ASCC3: variants seen among roughly 807,000 people sequenced by gnomAD.
ASCC3 encodes the protein ASC-1 complex subunit P200.
In ASCC3, 158 loss-of-function variants were observed where a neutral mutation model predicts 256.3. The ratio of observed to expected loss-of-function variants is 0.62; its 90% CI spans 0.54 to 0.70. ASCC3 has a LOEUF of 0.70. Ranked by LOEUF, ASCC3 falls within the 30% of genes least tolerant of loss-of-function variation. The pLI, the probability that ASCC3 is intolerant of heterozygous loss-of-function variation, is 0.00. For missense variants in ASCC3, 2,259 were observed against 2,626.0 expected (o/e 0.86, Z 3.05); for synonymous variants, 948 against 883.4 (o/e 1.07, Z -1.30).
intron 2 of ASCC3, among the ~76,000 whole-genome samples, chr6:100,865,394 T>C (rs1357097019): frequency 6.6e-6 from 1 of 152,208 alleles, no homozygotes; most frequent in East Asian, 1.9e-4. Flanking sequence ...TCTTCTGTTA[T>C]ATCTCTAATA....
At chr6:100,513,124 G>A (rs1773855144) in intron 39 of ASCC3, among the ~76,000 whole-genome samples, 2 of 152,144 alleles carry the variant, frequency 1.3e-5, no homozygotes, top group South Asian at 4.1e-4. Context: ...TCAAAACTAC[G>A]GTACTTATTA....
At chr6:100,695,091 G>C (rs1010190991) in intron 13 of ASCC3, among the ~76,000 whole-genome samples, 2 of 152,122 alleles carry the variant, frequency 1.3e-5, no homozygotes, top group African/African-American at 4.8e-5. Context: ...CACTTCTGTT[G>C]TATTATTGTT....
intron 8 of ASCC3, among the ~76,000 whole-genome samples, chr6:100,789,778 T>C (rs1769266289): frequency 6.6e-6 from 1 of 151,972 alleles, no homozygotes; most frequent in Non-Finnish European, 1.5e-5. Context: ...GAAAGCTGTG[T>C]AACAAAACAT....
chr6:100,627,509 A>G, intron 29 of ASCC3, 81 bp downstream of exon 29: 3 of 1,578,562 alleles, frequency 1.9e-6, no homozygotes, highest in Non-Finnish European at 2.6e-6. Context: ...ATCCTTTCAA[A>G]GAAACCAACA....
At position 100,804,216 on chromosome 6, in the gene ASCC3, T is replaced by C. The variant is rs746562015; in HGVS notation, c.922+1544A>G. ...TGATGTCTAGAACTTCCTGTCATTG[T>C]TCAGCAAAAATTTAAAAAGTAGGTG... On this transcript the variant is annotated intron_variant, in intron 5 of 41. Transcript: ENST00000369162. Among the ~76,000 whole-genome samples, 6 of 152,222 alleles carry C rather than the reference T, an allele frequency of 3.9e-5. No homozygotes were observed. In the South Asian group the frequency reaches 1.0e-3, roughly 26 times the overall value.
At chr6:100,743,077 G>A (rs935708971) in intron 10 of ASCC3, among the ~76,000 whole-genome samples, 2 of 152,212 alleles carry the variant, frequency 1.3e-5, no homozygotes, top group Non-Finnish European at 1.5e-5. Context: ...GGCTCTGGTA[G>A]AGTGGGTTCA....
chr6:100,766,433 T>A, intron 10 of ASCC3, 132 bp downstream of exon 10: 1 of 980,064 alleles, frequency 1.0e-6, no homozygotes, highest in East Asian at 2.6e-5. Flanking sequence ...CAAGATGTGG[T>A]TACAAATAAA....
intron 17 of ASCC3, among the ~76,000 whole-genome samples, chr6:100,654,102 G>C (rs1458441352): frequency 6.6e-6 from 1 of 152,032 alleles, no homozygotes; most frequent in African/African-American, 2.4e-5. Flanking sequence ...ATGGAGTCAA[G>C]AGTTACATCA....
chr6:100,833,927 A>C (rs1341311415), intron 4 of ASCC3, among the ~76,000 whole-genome samples: 1 of 152,048 alleles, frequency 6.6e-6, no homozygotes, highest in Non-Finnish European at 1.5e-5. Flanking sequence ...AAAATACAAA[A>C]ATTAGCCAGG....
chr6:100,701,921 A>C (rs1199684801), intron 13 of ASCC3, among the ~76,000 whole-genome samples: 1 of 152,168 alleles, frequency 6.6e-6, no homozygotes, highest in Non-Finnish European at 1.5e-5. Flanking sequence ...GGATGAAAGA[A>C]GGCGTGGGAG....
chr6:100,761,336 C>T (rs555500314), intron 10 of ASCC3, among the ~76,000 whole-genome samples: 374 of 152,080 alleles, frequency 2.5e-3, no homozygotes, highest in African/African-American at 8.4e-3. Context: ...CAAAAAATAA[C>T]GATTACCGGG....
intron 17 of ASCC3, 121 bp downstream of exon 17, chr6:100,655,578 G>A: frequency 8.7e-7 from 1 of 1,148,374 alleles, no homozygotes; most frequent in East Asian, 2.5e-5. Context: ...TAAATCTCTT[G>A]TTTTTCTTCT....
Position 100,631,225 on chromosome 6 carries a change from A to T in ASCC3, c.4123-12T>A. 1 of 1,580,138 alleles carries T rather than the reference A, an allele frequency of 6.3e-7. No individual in the cohort carries two copies. Among genetic ancestry groups the T allele is most frequent in the Non-Finnish European group, 8.7e-7 (1 of 1,149,864 alleles). ...GCAATATATACCGCCTAAAAAGGGG[A>T]GAATAGCCAAAAATACTCTTATGAA... On this transcript the variant is annotated splice_polypyrimidine_tract_variant and intron_variant, in intron 25 of 41. Coordinates refer to ENST00000369162, the MANE Select transcript of ASCC3 (RefSeq NM_006828.4).
chr6:100,509,631 T>C (rs1773655101), intron 41 of ASCC3, 98 bp from the exon 42 acceptor site: 3 of 1,218,014 alleles, frequency 2.5e-6, no homozygotes, highest in Admixed American at 1.9e-5. Flanking sequence ...CTGGGTGCGG[T>C]GGCTCACGCC....
chr6:100,548,407 G>A (rs1372790789), intron 36 of ASCC3, among the ~76,000 whole-genome samples: 2 of 151,600 alleles, frequency 1.3e-5, no homozygotes, highest in Non-Finnish European at 3.0e-5. Context: ...CTAAAAAATA[G>A]GGCAATGACG....
intron 10 of ASCC3, among the ~76,000 whole-genome samples, chr6:100,732,886 T>C (rs1012730782): frequency 6.6e-6 from 1 of 152,208 alleles, no homozygotes; most frequent in Non-Finnish European, 1.5e-5. Flanking sequence ...AGTGAAATTA[T>C]ACATTTTCTG....
chr6:100,670,624 T>C (rs935033313), intron 14 of ASCC3, among the ~76,000 whole-genome samples: 8 of 134,446 alleles, frequency 6.0e-5, no homozygotes, highest in African/African-American at 1.1e-4. Flanking sequence ...TCAGAACAGA[T>C]ACAACCAACT....
chr6:100,538,809 A>ACT (rs1775293753), intron 37 of ASCC3, among the ~76,000 whole-genome samples: 1 of 151,868 alleles, frequency 6.6e-6, no homozygotes, highest in Non-Finnish European at 1.5e-5. Context: ...AGACTAACTT[A>ACT]CTCTACCTTT....
chr6:100,754,312 A>C (rs959529531), intron 10 of ASCC3, among the ~76,000 whole-genome samples: 1 of 152,162 alleles, frequency 6.6e-6, no homozygotes, highest in Non-Finnish European at 1.5e-5. Flanking sequence ...GCAACATAAA[A>C]CATTGACCTG....
Sources: gnomAD v4.1 joint callset for allele counts (sites outside exome capture counted in the v4.1 genomes callset) on GRCh38, gnomAD v4.1.1 for gene constraint, MANE v1.5 for transcripts, NCBI Gene and HGNC (gene_info 2026-07-23, HGNC 2026-07-21) for gene names.